The following WDFY3 variants were observed in gnomAD, a reference collection of about 807,000 sequenced individuals.
WDFY3 encodes the protein WD repeat and FYVE domain-containing protein 3.
WDFY3 carries 66 observed loss-of-function variants against 409.6 expected under a neutral mutation model. The observed-to-expected ratio is 0.16, with a 90% CI of 0.13 to 0.20. The LOEUF (loss-of-function observed/expected upper bound fraction) is 0.20. WDFY3 is among the 10% of genes least tolerant of loss of function. The pLI, the probability that WDFY3 is intolerant of heterozygous loss-of-function variation, is 1.00. For missense variants in WDFY3, 3,031 were observed against 4,298.1 expected (o/e 0.71, Z 8.24); for synonymous variants, 1,521 against 1,537.1 (o/e 0.99, Z 0.25).
intron 1 of WDFY3, among the ~76,000 whole-genome samples, chr4:84,952,054 T>C (rs1773680365): frequency 6.6e-6 from 1 of 152,156 alleles, no homozygotes; most frequent in African/African-American, 2.4e-5. Flanking sequence ...ACAAGTACTA[T>C]TACCTCAGAA....
chr4:84,699,256 C>T (rs571043875), intron 56 of WDFY3, among the ~76,000 whole-genome samples: 100 of 152,160 alleles, frequency 6.6e-4, no homozygotes, highest in Non-Finnish European at 1.2e-3. Flanking sequence ...AATCTGTGTC[C>T]TGTCTCTGTG....
intron 1 of WDFY3, among the ~76,000 whole-genome samples, chr4:84,957,126 G>A (rs1774332988): frequency 6.6e-6 from 1 of 151,738 alleles, no homozygotes; most frequent in Non-Finnish European, 1.5e-5. Flanking sequence ...TCAGTCATAA[G>A]CATTAAAACA....
intron 44 of WDFY3, among the ~76,000 whole-genome samples, 185 bp downstream of exon 44, chr4:84,733,197 T>C (rs566966937): frequency 1.3e-5 from 2 of 152,192 alleles, no homozygotes; most frequent in African/African-American, 4.8e-5. Flanking sequence ...TTTATTATGA[T>C]GTCTCCTTCT....
intron 55 of WDFY3, 48 bp from the exon 56 acceptor site, chr4:84,702,554 G>A: frequency 6.8e-7 from 1 of 1,467,136 alleles, no homozygotes; most frequent in Non-Finnish European, 9.1e-7. Context: ...GTTCCCACCT[G>A]ACAGCTTCTG....
chr4:84,718,674 T>C, intron 47 of WDFY3, 104 bp from the exon 48 acceptor site: 1 of 1,324,976 alleles, frequency 7.5e-7, no homozygotes, highest in Non-Finnish European at 1.0e-6. Context: ...TAAATCAGAG[T>C]TTAAGCATAT....
chr4:84,875,643 T>C (rs1218376397), intron 3 of WDFY3, among the ~76,000 whole-genome samples: 1 of 152,242 alleles, frequency 6.6e-6, no homozygotes, highest in African/African-American at 2.4e-5. Context: ...ACAAACACAC[T>C]GTACAGTGGT....
Position 84,789,632 on chromosome 4 carries a change from AAC to A in WDFY3, c.3669+92_3669+93del, listed in dbSNP as rs370993126. On this transcript the variant is annotated intron_variant, in intron 22 of 67. Coordinates refer to ENST00000295888, the MANE Select transcript of WDFY3 (RefSeq NM_014991.6). ...AAAGTAATTTTAAAAATATCCCTGTAACACACACACACACACACACACACACA... is the reference window on the plus strand; with the variant it reads ...AAAGTAATTTTAAAAATATCCCTGTAACACACACACACACACACACACACA... 1.3e-3 allele frequency: 1,335 copies of A among 1,013,716 alleles called. 2 individuals are homozygous for A. In the African/African-American group the frequency reaches 0.016, roughly 12 times the overall value. 62.8% of individuals were successfully genotyped at this position (1,013,716 alleles called of 1,614,324 possible). A position where few individuals can be genotyped will look rare whatever the true frequency, so the allele number is the denominator to read the frequency against.
chr4:84,849,611 T>G (rs1469743532), intron 5 of WDFY3: 1 of 184,830 alleles, frequency 5.4e-6, no homozygotes, highest in Admixed American at 6.3e-5. Context: ...AGCTTTGCCT[T>G]AAATTTCATG....
intron 13 of WDFY3, among the ~76,000 whole-genome samples, chr4:84,810,697 A>G (rs530750394): frequency 2.6e-5 from 4 of 152,282 alleles, no homozygotes; most frequent in African/African-American, 9.6e-5. Context: ...TTACACAATC[A>G]TGAGAACTTA....
chr4:84,749,514 A>C (rs1007086196), intron 36 of WDFY3, among the ~76,000 whole-genome samples: 19 of 152,226 alleles, frequency 1.2e-4, no homozygotes, highest in African/African-American at 4.6e-4. Context: ...TGCAACTTTA[A>C]GTGAAACAAT....
chr4:84,704,567 A>C, intron 54 of WDFY3, 123 bp from the exon 55 acceptor site: 3 of 659,068 alleles, frequency 4.6e-6, no homozygotes, highest in Non-Finnish European at 7.4e-6. Flanking sequence ...TGCAATTAGT[A>C]CTGGCATTTG....
At chr4:84,947,890 G>GTAAA (rs534924086) in intron 1 of WDFY3, among the ~76,000 whole-genome samples, 197 of 151,500 alleles carry the variant, frequency 1.3e-3, no homozygotes, top group Middle Eastern at 0.01. Flanking sequence ...TGTCTCAAAA[G>GTAAA]TAAATAAATA....
chr4:84,952,651 C>G (rs533044571), intron 1 of WDFY3, among the ~76,000 whole-genome samples: 22 of 152,040 alleles, frequency 1.4e-4, no homozygotes, highest in Non-Finnish European at 8.8e-5. Context: ...TCCACAACAT[C>G]AAGAAATTTT....
intron 2 of WDFY3, among the ~76,000 whole-genome samples, chr4:84,929,052 T>C (rs901227557): frequency 3.5e-4 from 53 of 152,170 alleles, no homozygotes; most frequent in Non-Finnish European, 1.2e-4. Context: ...TTCGAGACTA[T>C]ATTACAAAAA....
chr4:84,672,102 C>T lies in WDFY3; in HGVS notation c.*766G>A, dbSNP rs1248308562. Reference sequence around the variant, plus strand: ...CACTGAGGTGGTGCGTAGCCAGGTACAAGACGCCCAAATATTTCCAGTTTA... The same window carrying T: ...CACTGAGGTGGTGCGTAGCCAGGTATAAGACGCCCAAATATTTCCAGTTTA... On this transcript the variant is annotated 3_prime_UTR_variant, in exon 68 of 68. Coordinates refer to ENST00000295888, the MANE Select transcript of WDFY3 (RefSeq NM_014991.6). 1.3e-5 allele frequency: 2 copies of T among 152,194 alleles called. No homozygotes were observed. The highest frequency in any genetic ancestry group is 1.5e-5 in the Non-Finnish European group (1 of 68,036). The allele number at this position is 152,194 out of a possible 1,614,324, so 9.4% of individuals were successfully genotyped here. A position where few individuals can be genotyped will look rare whatever the true frequency, so the allele number is the denominator to read the frequency against.
Position 84,765,867 on chromosome 4 carries a change from C to T in WDFY3, c.5131G>A (p.Gly1711Arg). ...GAATCTGTCTGTTCAAGCCATCCTC[C>T]ACCACTGAGTCCTTCTTTAAACTTG... is the stretch of plus-strand genomic sequence containing the variant. ...LIKFKEGLSG[G>R]GWLEQTDSVL... The change falls in exon 32 of 68, where the codon GGA becomes AGA. Residue 1711 changes from glycine (G) to arginine (R), a missense_variant. This residue lies in a region of WDFY3 where 342 missense variants were observed against 463.7 expected (regional missense o/e 0.74). Transcript: ENST00000295888. 1 of 1,613,892 alleles carries T rather than the reference C, an allele frequency of 6.2e-7. No homozygotes were observed. Among genetic ancestry groups the T allele is most frequent in the Non-Finnish European group, 8.5e-7 (1 of 1,179,942 alleles).
At chr4:84,687,195 G>T (rs1728473596) in intron 62 of WDFY3, among the ~76,000 whole-genome samples, 1 of 152,014 alleles carries the variant, frequency 6.6e-6, no homozygotes, top group Non-Finnish European at 1.5e-5. Context: ...CCAGGCTGGA[G>T]TGCAGTGGAG....
Position 84,788,949 on chromosome 4 carries a change from G to C in WDFY3, c.3669+777C>G, listed in dbSNP as rs549044320. On this transcript the variant is annotated intron_variant, in intron 22 of 67. Transcript: ENST00000295888. ...GCAGGAGAATTGCTCATACCCAGGA[G>C]GTGGAGGTTGCGGTGAGCTGAGATC... Among the ~76,000 whole-genome samples the C allele has an allele frequency of 2.0e-5, 3 of 152,272 alleles. No individual in the cohort carries two copies. The East Asian group carries it at 5.8e-4, about 29-fold the overall frequency.
intron 1 of WDFY3, among the ~76,000 whole-genome samples, chr4:84,944,304 C>T (rs565519443): frequency 6.6e-6 from 1 of 151,868 alleles, no homozygotes; most frequent in Non-Finnish European, 1.5e-5. Context: ...GGGGATGGAT[C>T]ACTTGAGCTC....
Sources: gnomAD v4.1 joint callset for allele counts (sites outside exome capture counted in the v4.1 genomes callset) on GRCh38, gnomAD v4.1.1 for gene constraint, gnomAD v4.1.1 regional missense constraint, MANE v1.5 for transcripts, NCBI Gene and HGNC (gene_info 2026-07-23, HGNC 2026-07-21) for gene names.